Variants in APBA2 observed in about 807,000 individuals in gnomAD.
APBA2 encodes the protein amyloid-beta A4 precursor protein-binding family A member 2.
A neutral mutation model predicts 75.0 loss-of-function variants in APBA2; 30 were observed. The observed-to-expected ratio is 0.40, with a 90% confidence interval of 0.30 to 0.54. APBA2 has a LOEUF of 0.54. APBA2 is among the 20% of genes least tolerant of loss of function. APBA2 has a pLI of 0.49. For synonymous variants in APBA2, 444 were observed against 409.6 expected, an observed-to-expected ratio of 1.08 and a Z score of -1.01; for missense variants, 801 against 1,016.1, an observed-to-expected ratio of 0.79 and a Z score of 2.88.
intron 13 of APBA2, among the ~76,000 whole-genome samples, chr15:29,112,641 C>G (rs188400932): frequency 2.9e-3 from 447 of 152,254 alleles, no homozygotes; most frequent in African/African-American, 0.01. Context: ...AGTCCTAATT[C>G]TCCTTGGACA....
At chr15:28,978,643 G>A (rs899221020) in intron 2 of APBA2, among the ~76,000 whole-genome samples, 1 of 152,216 alleles carries the variant, frequency 6.6e-6, no homozygotes, top group Non-Finnish European at 1.5e-5. Flanking sequence ...CTTCTGAGCT[G>A]CAATAGAATC....
intron 4 of APBA2, among the ~76,000 whole-genome samples, chr15:29,070,125 G>A (rs1348863444): frequency 6.6e-6 from 1 of 151,118 alleles, no homozygotes; most frequent in East Asian, 1.9e-4. Flanking sequence ...GACGGGTATA[G>A]GATTTTGGTT....
chr15:29,045,069 T>TTCTCTCTCTCTCTC lies in APBA2; in HGVS notation c.-40-8755_-40-8742dup, dbSNP rs1555399868. Reference sequence around the variant, plus strand: ...CCTTCCTCTCTCCCTCCCTCCCTCCTTCTCTCTCTCTCTCTCTCTCTCTCT... The same window carrying TTCTCTCTCTCTCTC: ...CCTTCCTCTCTCCCTCCCTCCCTCCTTCTCTCTCTCTCTCTCTCTCTCTCTCTCTCTCTCTCTCT... On this transcript the variant is annotated intron_variant, in intron 3 of 14. Coordinates refer to ENST00000683413, the MANE Select transcript of APBA2 (RefSeq NM_001353788.2). Among the ~76,000 whole-genome samples the TTCTCTCTCTCTCTC allele has an allele frequency of 6.9e-4, 57 of 82,880 alleles. 2 individuals are homozygous for TTCTCTCTCTCTCTC. In the East Asian group the frequency reaches 0.013, roughly 20 times the overall value. 54.4% of individuals were successfully genotyped at this position (82,880 alleles called of 152,430 possible). A position where few individuals can be genotyped will look rare whatever the true frequency, so the allele number is the denominator to read the frequency against.
intron 2 of APBA2, among the ~76,000 whole-genome samples, chr15:28,941,039 T>A (rs1419425715): frequency 1.3e-5 from 2 of 152,196 alleles, no homozygotes; most frequent in Non-Finnish European, 2.9e-5. Context: ...TGAGTTTTTT[T>A]AACAATACTC....
intron 1 of APBA2, among the ~76,000 whole-genome samples, chr15:28,915,561 T>G (rs1226208206): frequency 7.1e-6 from 1 of 140,946 alleles, no homozygotes; most frequent in Non-Finnish European, 1.5e-5. Flanking sequence ...CACACCATAC[T>G]CTATATACAT....
intron 3 of APBA2, among the ~76,000 whole-genome samples, chr15:29,036,847 C>A (rs1318923640): frequency 6.6e-6 from 1 of 152,006 alleles, no homozygotes; most frequent in East Asian, 1.9e-4. Context: ...TGGTGAGACC[C>A]TGTTTCTATA....
intron 5 of APBA2, 85 bp downstream of exon 5, chr15:29,075,086 T>C: frequency 2.0e-6 from 2 of 1,015,064 alleles, no homozygotes; most frequent in South Asian, 2.7e-5. Flanking sequence ...CTGCTCACTT[T>C]GTCCATGATG....
intron 4 of APBA2, among the ~76,000 whole-genome samples, chr15:29,069,709 C>A (rs1484432114): frequency 6.6e-6 from 1 of 152,196 alleles, no homozygotes; most frequent in Non-Finnish European, 1.5e-5. Context: ...AGGTCAGGGT[C>A]TTTGTTGCAT....
intron 1 of APBA2, among the ~76,000 whole-genome samples, chr15:28,907,276 T>G (rs1030592366): frequency 6.6e-6 from 1 of 152,232 alleles, no homozygotes; most frequent in African/African-American, 2.4e-5. Flanking sequence ...TGTCATGGGT[T>G]AAGTTGCTGC....
At chr15:28,892,825 TC>T (rs1409072287) in intron 1 of APBA2, among the ~76,000 whole-genome samples, 1 of 152,246 alleles carries the variant, frequency 6.6e-6, no homozygotes, top group Non-Finnish European at 1.5e-5. Flanking sequence ...GTTTATGGTT[TC>T]CCACCGTTGG....
At chr15:28,992,652 T>C (rs1212012067) in intron 2 of APBA2, among the ~76,000 whole-genome samples, 1 of 152,148 alleles carries the variant, frequency 6.6e-6, no homozygotes, top group Non-Finnish European at 1.5e-5. Context: ...TGGGCTAGTC[T>C]AGGCAAGGCC....
At chr15:29,091,374 GC>G (rs1463002950) in intron 6 of APBA2, among the ~76,000 whole-genome samples, 1 of 152,154 alleles carries the variant, frequency 6.6e-6, no homozygotes, top group Non-Finnish European at 1.5e-5. Flanking sequence ...AGGAAGGAGG[GC>G]CAAGTGGGCT....
At chr15:28,975,883 GA>G (rs1193627933) in intron 2 of APBA2, among the ~76,000 whole-genome samples, 3 of 152,206 alleles carry the variant, frequency 2.0e-5, no homozygotes, top group African/African-American at 7.2e-5. Context: ...CGAGGCTGTG[GA>G]GCAGCCATTC....
chr15:29,092,889 T>C (rs959243710), intron 6 of APBA2, among the ~76,000 whole-genome samples, 186 bp from the exon 7 acceptor site: 4 of 152,238 alleles, frequency 2.6e-5, no homozygotes, highest in African/African-American at 7.2e-5. Context: ...CGCAGTTACT[T>C]GCAGCACGGG....
At chr15:28,938,058 C>T (rs879343172) in intron 2 of APBA2, among the ~76,000 whole-genome samples, 7 of 152,146 alleles carry the variant, frequency 4.6e-5, no homozygotes, top group African/African-American at 4.8e-5. Context: ...ATGTCCCCAA[C>T]CCCCCACCTG....
At chr15:28,904,129 A>T (rs1354544023) in intron 1 of APBA2, among the ~76,000 whole-genome samples, 1 of 152,214 alleles carries the variant, frequency 6.6e-6, no homozygotes, top group African/African-American at 2.4e-5. Context: ...ATATGAATTC[A>T]TTCATTGTAT....
At position 29,047,837 on chromosome 15, in the gene APBA2, A is replaced by AT. The variant is rs529045456; in HGVS notation, c.-40-6000dup. 1.2e-4 allele frequency among the ~76,000 whole-genome samples: 19 copies of AT among 152,182 alleles called. No individual in the cohort carries two copies. In the East Asian group the frequency reaches 1.5e-3, roughly 12 times the overall value. ...AATCTATTTTTACAAAATCAATATC[A>AT]TTTTTTTTCTGTATGCCAACAATAA... On this transcript the variant is annotated intron_variant, in intron 3 of 14. Coordinates refer to ENST00000683413, the MANE Select transcript of APBA2 (RefSeq NM_001353788.2).
chr15:28,930,229 C>A (rs943417158), intron 2 of APBA2, among the ~76,000 whole-genome samples: 4 of 152,066 alleles, frequency 2.6e-5, no homozygotes, highest in Non-Finnish European at 5.9e-5. Context: ...AGAAGAAGGC[C>A]CAGTTTCAGG....
At chr15:28,909,184 G>GT (rs1320980910) in intron 1 of APBA2, among the ~76,000 whole-genome samples, 2 of 151,784 alleles carry the variant, frequency 1.3e-5, no homozygotes, top group Non-Finnish European at 2.9e-5. Flanking sequence ...TAGAGATGGG[G>GT]TTTCACCGTG....
Sources: gnomAD v4.1 joint callset for allele counts (sites outside exome capture counted in the v4.1 genomes callset) on GRCh38, gnomAD v4.1.1 for gene constraint, MANE v1.5 for transcripts, NCBI Gene and HGNC (gene_info 2026-07-23, HGNC 2026-07-21) for gene names.